The following CDK5RAP2 variants were observed in gnomAD, a reference collection of about 807,000 sequenced individuals.
CDK5RAP2 encodes CDK5 regulatory subunit associated protein 2, also known as CDK5 regulatory subunit-associated protein 2.
A neutral mutation model predicts 232.9 loss-of-function variants in CDK5RAP2; 147 were observed. The ratio of observed to expected loss-of-function variants is 0.63; its 90% CI spans 0.55 to 0.72. CDK5RAP2 has a LOEUF of 0.72. Ranked by LOEUF, CDK5RAP2 falls within the 30% of genes least tolerant of loss-of-function variation. The pLI, the probability that CDK5RAP2 is intolerant of heterozygous loss-of-function variation, is 0.00. For missense variants in CDK5RAP2, 2,195 were observed against 2,231.5 expected (o/e 0.98, Z 0.33); for synonymous variants, 833 against 833.7 (o/e 1.00, Z 0.01).
intron 12 of CDK5RAP2, chr9:120,517,867 C>A: frequency 7.9e-6 from 3 of 379,748 alleles, no homozygotes; most frequent in Non-Finnish European, 1.6e-5. Flanking sequence ...CAGGAACAGC[C>A]CAGGAAACAG....
intron 22 of CDK5RAP2, 152 bp from the exon 23 acceptor site, chr9:120,443,894 G>C (rs1468948680): frequency 3.0e-6 from 3 of 984,058 alleles, no homozygotes; most frequent in African/African-American, 1.6e-5. Flanking sequence ...AATCTATCGA[G>C]CTGCCATAAC....
intron 32 of CDK5RAP2, 123 bp downstream of exon 32, chr9:120,406,889 A>C (rs2033479035): frequency 6.5e-6 from 5 of 770,556 alleles, no homozygotes; most frequent in Non-Finnish European, 1.1e-5. Context: ...CCTAGGGTAC[A>C]GCATGTCAGC....
At chr9:120,473,123 G>C (rs2037812547) in intron 15 of CDK5RAP2, among the ~76,000 whole-genome samples, 1 of 152,190 alleles carries the variant, frequency 6.6e-6, no homozygotes, top group South Asian at 2.1e-4. Flanking sequence ...GTCCATCTCT[G>C]TGCTTAAAGC....
intron 3 of CDK5RAP2, among the ~76,000 whole-genome samples, chr9:120,563,702 G>A (rs1045292426): frequency 2.0e-5 from 3 of 151,598 alleles, no homozygotes; most frequent in Non-Finnish European, 2.9e-5. Flanking sequence ...AATCCATGTC[G>A]TATCTACACA....
intron 14 of CDK5RAP2, among the ~76,000 whole-genome samples, chr9:120,478,919 T>G (rs1290144706): frequency 6.6e-6 from 1 of 152,246 alleles, no homozygotes; most frequent in Admixed American, 6.5e-5. Flanking sequence ...ATGGTGATCA[T>G]TTCACAATGT....
chr9:120,499,282 T>C (rs2039465241), intron 12 of CDK5RAP2, among the ~76,000 whole-genome samples: 1 of 152,166 alleles, frequency 6.6e-6, no homozygotes, highest in Non-Finnish European at 1.5e-5. Context: ...GACACAAGAT[T>C]AGCTCTCAGT....
rs77451787 is a variant in CDK5RAP2 at position 120,403,956 on chromosome 9, G to A, written c.5041+80C>T. ...AAATACCCTCCTGAGTTGGGACCAG[G>A]GACCCCCCTTTTCTGCAAGTTAAAA... On this transcript the variant is annotated intron_variant, in intron 33 of 37. Coordinates refer to ENST00000349780, the MANE Select transcript of CDK5RAP2 (RefSeq NM_018249.6). The surrounding 1 kb of genome is among the most constrained non-coding windows in gnomAD (Gnocchi z 4.2). The A allele has an allele frequency of 5.2e-3, 4,982 of 952,024 alleles. 152 individuals are homozygous for A. The African/African-American group carries it at 0.07, about 13-fold the overall frequency. 59.0% of individuals were successfully genotyped at this position (952,024 alleles called of 1,614,324 possible).
In CDK5RAP2 at chr9:120,389,305, A is replaced by G; in HGVS notation, c.5626-13T>C. 6.2e-7 allele frequency: 1 copy of G among 1,609,366 alleles called. No homozygotes were observed. Among genetic ancestry groups the G allele is most frequent in the Non-Finnish European group, 8.5e-7 (1 of 1,177,166 alleles). ...CCCCAGGCCTAAGCTAGGAAAAGGAAGAAAAAAAAGGAGAATTTTAAGTCC... is the reference window on the plus strand; with the variant it reads ...CCCCAGGCCTAAGCTAGGAAAAGGAGGAAAAAAAAGGAGAATTTTAAGTCC... On this transcript the variant is annotated splice_polypyrimidine_tract_variant and intron_variant, in intron 37 of 37. Coordinates refer to ENST00000349780, the MANE Select transcript of CDK5RAP2 (RefSeq NM_018249.6).
chr9:120,475,143 T>C (rs1228960868), intron 15 of CDK5RAP2, among the ~76,000 whole-genome samples: 1 of 152,154 alleles, frequency 6.6e-6, no homozygotes, highest in Non-Finnish European at 1.5e-5. Flanking sequence ...GGTAGGTAAG[T>C]AGGCAGACCA....
chr9:120,548,686 C>A (rs1356001758), intron 4 of CDK5RAP2, among the ~76,000 whole-genome samples: 3 of 152,048 alleles, frequency 2.0e-5, no homozygotes, highest in Admixed American at 2.0e-4. Flanking sequence ...GTGGTGCATG[C>A]CTGTAGTCCC....
chr9:120,449,064 C>T (rs984240523), intron 21 of CDK5RAP2, among the ~76,000 whole-genome samples: 2 of 152,212 alleles, frequency 1.3e-5, no homozygotes, highest in South Asian at 4.1e-4. Flanking sequence ...AGGTCAACAT[C>T]CATACCACAG....
chr9:120,566,104 C>T (rs1588670111), intron 3 of CDK5RAP2, among the ~76,000 whole-genome samples: 1 of 152,198 alleles, frequency 6.6e-6, no homozygotes, highest in Admixed American at 6.5e-5. Context: ...CCACTTTAAA[C>T]CCAAAGTATC....
chr9:120,424,780 A>T (rs971083179), intron 25 of CDK5RAP2, among the ~76,000 whole-genome samples: 7 of 150,394 alleles, frequency 4.7e-5, no homozygotes, highest in Admixed American at 4.0e-4. Context: ...ACTTACTGCA[A>T]CCTCTGCCTC....
intron 26 of CDK5RAP2, among the ~76,000 whole-genome samples, chr9:120,420,221 A>G (rs1441119173): frequency 6.6e-6 from 1 of 152,194 alleles, no homozygotes; most frequent in East Asian, 1.9e-4. Flanking sequence ...GGAGGGACCC[A>G]AGAGGACTTG....
chr9:120,550,870 G>A lies in CDK5RAP2; in HGVS notation c.228C>T (p.Asn76=). ...CAAGGAAATAGATGCGGAGCTTTAG[G>A]TTAAAGTTTTCTTTCTTCAATTCAG... ...QITELKKENF[N]LKLRIYFLEE... The change falls in exon 4 of 38, where the codon AAC becomes AAT. Residue 76 remains asparagine (N), a synonymous_variant. Coordinates refer to ENST00000349780, the MANE Select transcript of CDK5RAP2 (RefSeq NM_018249.6). The A allele has an allele frequency of 1.2e-6, 2 of 1,612,922 alleles. No individual in the cohort carries two copies. The highest frequency in any genetic ancestry group is 1.7e-6 in the Non-Finnish European group (2 of 1,178,960).
chr9:120,566,715 C>T (rs2042660157), intron 3 of CDK5RAP2, among the ~76,000 whole-genome samples: 1 of 152,204 alleles, frequency 6.6e-6, no homozygotes, highest in Non-Finnish European at 1.5e-5. Flanking sequence ...TGACCGGCCA[C>T]AGGGCACCCA....
intron 12 of CDK5RAP2, among the ~76,000 whole-genome samples, chr9:120,515,485 C>T (rs914046797): frequency 7.9e-5 from 12 of 152,162 alleles, no homozygotes; most frequent in Admixed American, 2.0e-4. Context: ...TCAGGAGTTA[C>T]GTATTGTAAT....
intron 10 of CDK5RAP2, among the ~76,000 whole-genome samples, chr9:120,525,757 C>T (rs1396200518): frequency 2.0e-5 from 3 of 152,018 alleles, no homozygotes; most frequent in Non-Finnish European, 4.4e-5. Flanking sequence ...GCTGGGACCA[C>T]AGGCGCACGC....
At chr9:120,523,775 T>C (rs1251212319) in intron 11 of CDK5RAP2, among the ~76,000 whole-genome samples, 2 of 152,192 alleles carry the variant, frequency 1.3e-5, no homozygotes, top group African/African-American at 2.4e-5. Context: ...TTAAGTTATT[T>C]AGTGATAGGT....
Sources: gnomAD v4.1 joint callset for allele counts (sites outside exome capture counted in the v4.1 genomes callset) on GRCh38, gnomAD v4.1.1 for gene constraint, Gnocchi (gnomAD v3.1) non-coding constraint, MANE v1.5 for transcripts, NCBI Gene and HGNC (gene_info 2026-07-23, HGNC 2026-07-21) for gene names.